The following GRK5 variants were observed in gnomAD, a reference collection of about 807,000 sequenced individuals.
GRK5 encodes the protein g protein-coupled receptor kinase GRK5.
Under a neutral mutation model 78.4 loss-of-function variants are expected in GRK5, and 40 were observed. The ratio of observed to expected loss-of-function variants is 0.51; its 90% CI spans 0.40 to 0.66. GRK5 has a LOEUF of 0.66. Among genes scored for constraint, GRK5 ranks in the 30% least tolerant of loss-of-function variants. GRK5 has a pLI of 0.00. For missense variants in GRK5, 598 were observed against 759.9 expected (o/e 0.79, Z 2.50); for synonymous variants, 289 against 296.8 (o/e 0.97, Z 0.27).
chr10:119,360,556 A>T (rs968563540), intron 2 of GRK5, among the ~76,000 whole-genome samples: 1 of 129,860 alleles, frequency 7.7e-6, no homozygotes, highest in Non-Finnish European at 1.6e-5. Context: ...GTGTGAGTGG[A>T]AGGAGCCTGT....
At chr10:119,212,332 A>G (rs952096228) in intron 1 of GRK5, among the ~76,000 whole-genome samples, 1 of 152,228 alleles carries the variant, frequency 6.6e-6, no homozygotes, top group Admixed American at 6.5e-5. Flanking sequence ...CTCATCTTTC[A>G]GTAGCTTAGC....
intron 2 of GRK5, chr10:119,334,825 CATTT>C (rs1850846658): frequency 6.6e-6 from 1 of 151,590 alleles, no homozygotes; most frequent in Non-Finnish European, 1.5e-5. Flanking sequence ...ACAGGACTGA[CATTT>C]ATGAGGAGGC....
In GRK5 at chr10:119,429,738, G is replaced by A. The variant is rs986860308; in HGVS notation, c.534-637G>A. On this transcript the variant is annotated intron_variant, in intron 6 of 15. Coordinates refer to ENST00000392870, the MANE Select transcript of GRK5 (RefSeq NM_005308.3). ...CATCTATGTGGGAAATACAATAAAG[G>A]GTCCTCAGTGGTGGAAAGGTTGGGA... Among the ~76,000 whole-genome samples, 12 of 152,126 alleles carry A rather than the reference G, an allele frequency of 7.9e-5. 1 individual carries two copies. The East Asian group carries it at 1.9e-3, about 25-fold the overall frequency.
chr10:119,367,324 C>A (rs149115841), intron 2 of GRK5, among the ~76,000 whole-genome samples: 1 of 152,310 alleles, frequency 6.6e-6, no homozygotes, highest in African/African-American at 2.4e-5. Flanking sequence ...CATTGGTGAG[C>A]TCGTGTGCCT....
intron 2 of GRK5, among the ~76,000 whole-genome samples, chr10:119,369,900 C>T (rs1589769032): frequency 6.6e-6 from 1 of 152,198 alleles, no homozygotes; most frequent in South Asian, 2.1e-4. Flanking sequence ...AGTCCACCCC[C>T]ACCCCTGACC....
chr10:119,438,658 G>C (rs1266585940), intron 9 of GRK5, among the ~76,000 whole-genome samples: 5 of 152,200 alleles, frequency 3.3e-5, no homozygotes, highest in African/African-American at 9.6e-5. Context: ...GAGAACCACA[G>C]TGCCTCCTCC....
At chr10:119,227,485 G>A (rs945744370) in intron 1 of GRK5, among the ~76,000 whole-genome samples, 2 of 152,084 alleles carry the variant, frequency 1.3e-5, no homozygotes, top group African/African-American at 2.4e-5. Context: ...CAAGAGAATC[G>A]CTTGAACCCG....
chr10:119,357,683 C>T (rs1418925797), intron 2 of GRK5, among the ~76,000 whole-genome samples: 2 of 152,234 alleles, frequency 1.3e-5, no homozygotes, highest in African/African-American at 4.8e-5. Context: ...CCATTGACAG[C>T]TTTGCATGAG....
intron 2 of GRK5, among the ~76,000 whole-genome samples, chr10:119,373,889 T>G (rs1337250505): frequency 1.3e-5 from 2 of 152,132 alleles, no homozygotes; most frequent in African/African-American, 4.8e-5. Flanking sequence ...CTGCGTAGTC[T>G]GCGGAGGCTT....
chr10:119,391,346 G>A (rs918769394), intron 3 of GRK5, among the ~76,000 whole-genome samples: 4 of 152,206 alleles, frequency 2.6e-5, no homozygotes, highest in African/African-American at 9.7e-5. Flanking sequence ...CATTCTCACT[G>A]GGGAGCAGAA....
intron 3 of GRK5, among the ~76,000 whole-genome samples, chr10:119,393,907 C>T (rs115481936): frequency 0.043 from 6,101 of 142,342 alleles, 377 homozygotes; most frequent in African/African-American, 0.14. Context: ...TGTAGGGGTG[C>T]GGGTGTGTTT....
chr10:119,417,464 C>T (rs1412222599), intron 4 of GRK5, among the ~76,000 whole-genome samples: 1 of 152,198 alleles, frequency 6.6e-6, no homozygotes, highest in Non-Finnish European at 1.5e-5. Context: ...AGGGATTAGC[C>T]AGCAAGTCAC....
chr10:119,329,924 G>A (rs532861053), intron 2 of GRK5, among the ~76,000 whole-genome samples: 8 of 144,956 alleles, frequency 5.5e-5, no homozygotes, highest in South Asian at 2.3e-4. Context: ...GTGCAGTGGC[G>A]TGATCTTGGC....
chr10:119,392,099 T>C (rs1851896835), intron 3 of GRK5, among the ~76,000 whole-genome samples: 1 of 152,202 alleles, frequency 6.6e-6, no homozygotes, highest in Non-Finnish European at 1.5e-5. Flanking sequence ...AGGACATATT[T>C]TTCCTGGCAG....
rs190070059 is a variant in GRK5, at chr10:119,431,845, G to A, written c.738+318G>A. 6.6e-6 allele frequency among the ~76,000 whole-genome samples: 1 copy of A among 152,346 alleles called. No homozygotes were observed. Among genetic ancestry groups the A allele is most frequent in the East Asian group, 1.9e-4 (1 of 5,180 alleles). ...GACAAAGAAAGTTCACCTGGGCCCAGGCTGGGAGCTGTGGGTTCCACAGAC... is the reference window on the plus strand; with the variant it reads ...GACAAAGAAAGTTCACCTGGGCCCAAGCTGGGAGCTGTGGGTTCCACAGAC... On this transcript the variant is annotated intron_variant, in intron 8 of 15. Coordinates refer to ENST00000392870, the MANE Select transcript of GRK5 (RefSeq NM_005308.3). The surrounding 1 kb of genome is among the most constrained non-coding windows in gnomAD (Gnocchi z 4.8).
chr10:119,393,177 C>T (rs1350027300), intron 3 of GRK5, among the ~76,000 whole-genome samples: 1 of 152,188 alleles, frequency 6.6e-6, no homozygotes, highest in Admixed American at 6.5e-5. Flanking sequence ...CAGCTGGAGG[C>T]CTTCCATCCG....
At chr10:119,322,815 A>G (rs539556349) in intron 1 of GRK5, among the ~76,000 whole-genome samples, 1 of 152,314 alleles carries the variant, frequency 6.6e-6, no homozygotes, top group African/African-American at 2.4e-5. Context: ...ATATACCCAA[A>G]AGAATGGAAA....
At chr10:119,244,791 A>T (rs1007221285) in intron 1 of GRK5, among the ~76,000 whole-genome samples, 2 of 152,234 alleles carry the variant, frequency 1.3e-5, no homozygotes, top group African/African-American at 2.4e-5. Flanking sequence ...CATACCTGTT[A>T]GGACAGATAT....
intron 3 of GRK5, among the ~76,000 whole-genome samples, chr10:119,393,806 T>C (rs1851926489): frequency 6.6e-6 from 1 of 152,162 alleles, no homozygotes; most frequent in Non-Finnish European, 1.5e-5. Flanking sequence ...ACCATGTAGA[T>C]ATAATAATAA....
Sources: allele counts gnomAD v4.1 joint callset (sites outside exome capture counted in the v4.1 genomes callset), GRCh38; gene constraint gnomAD v4.1.1; non-coding constraint Gnocchi (gnomAD v3.1); transcripts MANE v1.5; gene names NCBI Gene and HGNC (gene_info 2026-07-23, HGNC 2026-07-21).